The following SLC2A9 variants were observed in gnomAD, a reference collection of about 807,000 sequenced individuals.
The protein encoded by SLC2A9 is solute carrier family 2 member 9.
SLC2A9 carries 39 observed loss-of-function variants against 50.6 expected under a neutral mutation model. The ratio of observed to expected loss-of-function variants is 0.77; its 90% CI spans 0.60 to 1.01. The LOEUF (loss-of-function observed/expected upper bound fraction) is 1.01, where lower values mean the gene tolerates loss of function less well. Among genes scored for constraint, SLC2A9 ranks in the 50% least tolerant of loss-of-function variants. SLC2A9 has a pLI of 0.00. For missense variants in SLC2A9, 686 were observed against 677.6 expected, an observed-to-expected ratio of 1.01 and a Z score of -0.14; for synonymous variants, 324 against 276.9, an observed-to-expected ratio of 1.17 and a Z score of -1.69.
chr4:9,975,939 G>C (rs75116124), intron 5 of SLC2A9, among the ~76,000 whole-genome samples: 1 of 152,122 alleles, frequency 6.6e-6, no homozygotes, highest in African/African-American at 2.4e-5. Flanking sequence ...AAATCATGTT[G>C]TTCGCAGCAA....
downstream of SLC2A9, among the ~76,000 whole-genome samples, chr4:9,794,162 G>T (rs2867387): frequency 0.92 from 135,533 of 147,730 alleles, 62,414 homozygotes; most frequent in Middle Eastern, 0.96. Flanking sequence ...TTTTTTGTGT[G>T]TGTGATATGG....
intron 8 of SLC2A9, among the ~76,000 whole-genome samples, chr4:9,891,326 G>A (rs1737382119): frequency 6.6e-6 from 1 of 152,154 alleles, no homozygotes; most frequent in Non-Finnish European, 1.5e-5. Context: ...ACTTGGTCAG[G>A]AAACAGCTCC....
intron 5 of SLC2A9, among the ~76,000 whole-genome samples, chr4:9,957,114 C>T (rs1183286116): frequency 6.6e-6 from 1 of 152,022 alleles, no homozygotes; most frequent in Non-Finnish European, 1.5e-5. Context: ...TTATTCACTT[C>T]TTGATGGGAA....
At chr4:9,997,710 T>C (rs979384100) in intron 2 of SLC2A9, among the ~76,000 whole-genome samples, 5 of 143,338 alleles carry the variant, frequency 3.5e-5, no homozygotes, top group African/African-American at 1.3e-4. Flanking sequence ...AAAAGAAAAG[T>C]GGGGGGGCAC....
chr4:10,037,635 A>G (rs1473221944), intron 1 of SLC2A9, among the ~76,000 whole-genome samples: 1 of 152,224 alleles, frequency 6.6e-6, no homozygotes, highest in Non-Finnish European at 1.5e-5. Flanking sequence ...CTTTATCACA[A>G]ACAAAATGTC....
At chr4:9,804,470 C>A (rs548209248) in intron 3 of SLC2A9, among the ~76,000 whole-genome samples, 1 of 152,122 alleles carries the variant, frequency 6.6e-6, no homozygotes, top group African/African-American at 2.4e-5. Flanking sequence ...GTGGAAAGCA[C>A]CTTCTGTTCT....
downstream of SLC2A9, among the ~76,000 whole-genome samples, chr4:9,775,028 G>T (rs546631644): frequency 2.0e-5 from 3 of 152,266 alleles, no homozygotes; most frequent in Admixed American, 6.5e-5. Flanking sequence ...CACCTCGGTG[G>T]ACCACTGAGG....
At chr4:9,872,695 T>C (rs1235832523) in intron 10 of SLC2A9, among the ~76,000 whole-genome samples, 1 of 151,954 alleles carries the variant, frequency 6.6e-6, no homozygotes, top group Admixed American at 6.5e-5. Context: ...CCTCCAGCTA[T>C]AACAACAGGG....
At chr4:10,025,002 G>A (rs895566777), upstream of SLC2A9, among the ~76,000 whole-genome samples, 2 of 152,148 alleles carry the variant, frequency 1.3e-5, no homozygotes, top group East Asian at 1.9e-4. Flanking sequence ...TTCTTGCGTG[G>A]GGTCTTGGGT....
chr4:9,923,658 T>C (rs1560311831), intron 6 of SLC2A9: 2 of 152,434 alleles, frequency 1.3e-5, no homozygotes, highest in African/African-American at 4.8e-5. Context: ...CAGCTGAGCG[T>C]GGGAGCAGCT....
At chr4:9,783,328 T>C (rs1321467914) in intron 3 of SLC2A9, 10 of 1,614,134 alleles carry the variant, frequency 6.2e-6, no homozygotes, top group East Asian at 2.2e-5. Context: ...AGGAGGGTCC[T>C]TTCGATCGCA....
Position 9,807,831 on chromosome 4 carries a change from C to T in SLC2A9, n.421-8590G>A, listed in dbSNP as rs577891429. 2.0e-4 allele frequency among the ~76,000 whole-genome samples: 31 copies of T among 152,256 alleles called. No individual in the cohort carries two copies. In the South Asian group the frequency reaches 4.4e-3, roughly 21 times the overall value. ...AGATGCAGTTGAGGCTGGTCAAATG[C>T]GTGTTTCTTGTGACTCTCAGGGCCC... On this transcript the variant is annotated intron_variant and non_coding_transcript_variant, in intron 3 of 3. Coordinates refer to the SLC2A9 transcript ENST00000503280.
downstream of SLC2A9, among the ~76,000 whole-genome samples, chr4:9,775,764 G>A (rs180782192): frequency 1.0e-3 from 154 of 152,216 alleles, no homozygotes; most frequent in Admixed American, 3.3e-3. Flanking sequence ...TGTAAAGCCC[G>A]CAAAACCATG....
At chr4:10,035,445 C>T (rs1764068953) in intron 1 of SLC2A9, 1 of 152,350 alleles carries the variant, frequency 6.6e-6, no homozygotes, top group East Asian at 1.9e-4. Flanking sequence ...TTGCTTGGCA[C>T]TGAGCCATAA....
At chr4:9,808,965 G>A (rs531834500) in intron 3 of SLC2A9, among the ~76,000 whole-genome samples, 9 of 152,256 alleles carry the variant, frequency 5.9e-5, no homozygotes, top group Admixed American at 2.0e-4. Flanking sequence ...CAGGATTTTC[G>A]CTGCAGCCCT....
intron 6 of SLC2A9, among the ~76,000 whole-genome samples, chr4:9,921,105 C>A (rs1245765639): frequency 1.3e-5 from 2 of 152,164 alleles, no homozygotes; most frequent in Non-Finnish European, 2.9e-5. Context: ...GGATGCCCTG[C>A]AGTCCATGCT....
chr4:10,039,226 G>A (rs1764201099), intron 1 of SLC2A9, among the ~76,000 whole-genome samples: 1 of 152,216 alleles, frequency 6.6e-6, no homozygotes, highest in African/African-American at 2.4e-5. Flanking sequence ...CTCTGACAGT[G>A]TAAGTGCCGC....
At chr4:9,800,017 G>A (rs1721177217) in intron 3 of SLC2A9, among the ~76,000 whole-genome samples, 1 of 152,120 alleles carries the variant, frequency 6.6e-6, no homozygotes, top group South Asian at 2.1e-4. Flanking sequence ...AACATCCCTT[G>A]GTCACTACTG....
intron 3 of SLC2A9, among the ~76,000 whole-genome samples, chr4:9,807,117 TGGA>T (rs1291269760): frequency 6.6e-6 from 1 of 152,158 alleles, no homozygotes; most frequent in Non-Finnish European, 1.5e-5. Flanking sequence ...GGCATGTGGA[TGGA>T]GGAGATGCCG....
Sources: gnomAD v4.1 joint callset for allele counts (sites outside exome capture counted in the v4.1 genomes callset) on GRCh38, gnomAD v4.1.1 for gene constraint, MANE v1.5 for transcripts, NCBI Gene and HGNC (gene_info 2026-07-23, HGNC 2026-07-21) for gene names.